LMBR1: variants seen among roughly 807,000 people sequenced by gnomAD.
The protein encoded by LMBR1 is limb region 1 protein homolog.
A neutral mutation model predicts 73.9 loss-of-function variants in LMBR1; 52 were observed. The ratio of observed to expected loss-of-function variants is 0.70; its 90% CI spans 0.56 to 0.89. LMBR1 has a LOEUF of 0.89. LMBR1 is among the 40% of genes least tolerant of loss of function. LMBR1 has a pLI of 0.00. For synonymous variants in LMBR1, 215 were observed against 209.4 expected (o/e 1.03, Z -0.23); for missense variants, 539 against 579.8 (o/e 0.93, Z 0.72).
intron 15 of LMBR1, among the ~76,000 whole-genome samples, chr7:156,695,522 C>T (rs112621405): frequency 5.3e-5 from 8 of 152,130 alleles, no homozygotes; most frequent in South Asian, 2.1e-4. Flanking sequence ...CTTACATGGC[C>T]GGTGCAGGAG....
At chr7:156,675,870 T>A (rs749315027), downstream of LMBR1, 36 of 1,609,820 alleles carry the variant, frequency 2.2e-5, no homozygotes, top group Non-Finnish European at 2.8e-5. Flanking sequence ...GCAGGTAGGT[T>A]TGGCTGGCAG....
intron 15 of LMBR1, among the ~76,000 whole-genome samples, chr7:156,716,342 T>C (rs968287179): frequency 1.3e-5 from 2 of 152,232 alleles, no homozygotes; most frequent in African/African-American, 4.8e-5. Flanking sequence ...GAATCAATTT[T>C]AGTCATGAGG....
Position 156,679,128 on chromosome 7 carries a change from T to C in LMBR1, c.*4950A>G, listed in dbSNP as rs1804576356. 1 of 152,168 alleles carries C rather than the reference T, an allele frequency of 6.6e-6. No individual in the cohort carries two copies. Among genetic ancestry groups the C allele is most frequent in the African/African-American group, 2.4e-5 (1 of 41,432 alleles). 9.4% of individuals were successfully genotyped at this position (152,168 alleles called of 1,614,324 possible). A position where few individuals can be genotyped will look rare whatever the true frequency, so the allele number is the denominator to read the frequency against. On this transcript the variant is annotated 3_prime_UTR_variant, in exon 17 of 17. Transcript: ENST00000353442. The stretch of plus-strand genomic sequence containing the variant: ...CACTGTAAGCGTGACCCCAGGCAAA[T>C]GTCTGCAGCTTTCTCAGTGGCGTTC...
At chr7:156,855,012 T>A (rs1796744071) in intron 1 of LMBR1, among the ~76,000 whole-genome samples, 1 of 152,178 alleles carries the variant, frequency 6.6e-6, no homozygotes, top group Admixed American at 6.6e-5. Flanking sequence ...TTTATCTACA[T>A]CGTATCCGGC....
chr7:156,772,515 T>C (rs1825389911), intron 5 of LMBR1, among the ~76,000 whole-genome samples: 1 of 152,110 alleles, frequency 6.6e-6, no homozygotes, highest in African/African-American at 2.4e-5. Context: ...CTATTCAGCA[T>C]ATTACTGGGA....
chr7:156,813,950 ATAT>A (rs2133647868), intron 4 of LMBR1, among the ~76,000 whole-genome samples: 1 of 152,268 alleles, frequency 6.6e-6, no homozygotes, highest in East Asian at 1.9e-4. Flanking sequence ...ACTAAAATAC[ATAT>A]TTATTTCAAT....
At chr7:156,787,210 T>C (rs539774361) in intron 5 of LMBR1, among the ~76,000 whole-genome samples, 4 of 152,290 alleles carry the variant, frequency 2.6e-5, no homozygotes, top group Middle Eastern at 3.4e-3. Context: ...TAACCTCATT[T>C]TTCCCAAACT....
intron 1 of LMBR1, among the ~76,000 whole-genome samples, chr7:156,854,358 G>A (rs1385617948): frequency 6.6e-6 from 1 of 152,048 alleles, no homozygotes; most frequent in African/African-American, 2.4e-5. Context: ...GTCTCAGGGG[G>A]GACTCCCACA....
intron 15 of LMBR1, among the ~76,000 whole-genome samples, chr7:156,713,912 T>C (rs572908262): frequency 2.6e-5 from 4 of 152,226 alleles, no homozygotes; most frequent in Non-Finnish European, 4.4e-5. Context: ...TTTTGTGTTA[T>C]AAGTTAAATT....
chr7:156,675,904 G>A, downstream of LMBR1: 1 of 1,594,124 alleles, frequency 6.3e-7, no homozygotes, highest in Non-Finnish European at 8.6e-7. Context: ...AGACTCAGCT[G>A]CAGCTGCAGA....
At chr7:156,820,617 C>T (rs1834618038) in intron 4 of LMBR1, among the ~76,000 whole-genome samples, 1 of 152,122 alleles carries the variant, frequency 6.6e-6, no homozygotes, top group African/African-American at 2.4e-5. Flanking sequence ...ATGGAGATAT[C>T]CTTTCTAAGG....
chr7:156,813,232 C>T (rs1186604957), intron 4 of LMBR1, among the ~76,000 whole-genome samples: 2 of 152,128 alleles, frequency 1.3e-5, no homozygotes, highest in Non-Finnish European at 2.9e-5. Flanking sequence ...CCTAATTTTT[C>T]ATACTCCACG....
At chr7:156,878,864 C>A (rs946859760) in intron 1 of LMBR1, among the ~76,000 whole-genome samples, 1 of 152,174 alleles carries the variant, frequency 6.6e-6, no homozygotes, top group African/African-American at 2.4e-5. Flanking sequence ...GGCACACAGA[C>A]CAACGGAACA....
chr7:156,744,712 G>A (rs929184073), intron 9 of LMBR1, among the ~76,000 whole-genome samples: 1 of 152,124 alleles, frequency 6.6e-6, no homozygotes. Context: ...TATTGCTGCT[G>A]CTGCTGCTAC....
chr7:156,687,975 A>C, intron 16 of LMBR1, 55 bp downstream of exon 16: 1 of 1,430,344 alleles, frequency 7.0e-7, no homozygotes, highest in Non-Finnish European at 9.4e-7. Flanking sequence ...ATTAACTCAA[A>C]TGTCAAAATT....
intron 1 of LMBR1, among the ~76,000 whole-genome samples, chr7:156,845,799 C>T (rs932900293): frequency 2.0e-5 from 3 of 151,948 alleles, no homozygotes; most frequent in East Asian, 1.9e-4. Context: ...CAGGTGTGAA[C>T]GACTGTGCCC....
At chr7:156,833,938 T>C in intron 2 of LMBR1, 146 bp from the exon 3 acceptor site, 4 of 584,096 alleles carry the variant, frequency 6.8e-6, no homozygotes, top group Non-Finnish European at 1.2e-5. Flanking sequence ...TGTTTCAGCA[T>C]AGATCCAAAT....
intron 1 of LMBR1, among the ~76,000 whole-genome samples, chr7:156,853,918 A>G (rs1367804734): frequency 6.6e-6 from 1 of 150,796 alleles, no homozygotes; most frequent in African/African-American, 2.4e-5. Flanking sequence ...GCCTCCTAAA[A>G]TGCTGGGATT....
At chr7:156,787,823 C>T (rs1393816871) in intron 5 of LMBR1, among the ~76,000 whole-genome samples, 5 of 152,188 alleles carry the variant, frequency 3.3e-5, no homozygotes, top group Admixed American at 3.3e-4. Context: ...GTCGCCCAGG[C>T]TGGAGTGCAA....
Sources: gnomAD v4.1 joint callset for allele counts (sites outside exome capture counted in the v4.1 genomes callset) on GRCh38, gnomAD v4.1.1 for gene constraint, MANE v1.5 for transcripts, NCBI Gene and HGNC (gene_info 2026-07-23, HGNC 2026-07-21) for gene names.